Variants in CACNA1D observed in about 807,000 individuals in gnomAD.
The protein encoded by CACNA1D is voltage-dependent L-type calcium channel subunit alpha-1D.
A neutral mutation model predicts 257.1 loss-of-function variants in CACNA1D; 55 were observed. The observed-to-expected ratio is 0.21, with a 90% CI of 0.17 to 0.27. The LOEUF (loss-of-function observed/expected upper bound fraction) is 0.27. Ranked by LOEUF, CACNA1D falls within the 10% of genes least tolerant of loss-of-function variation. The pLI, the probability that CACNA1D is intolerant of heterozygous loss-of-function variation, is 1.00. For synonymous variants in CACNA1D, 980 were observed against 1,014.9 expected, an observed-to-expected ratio of 0.97 and a Z score of 0.65; for missense variants, 1,876 against 2,784.0, an observed-to-expected ratio of 0.67 and a Z score of 7.34.
At chr3:53,802,267 G>A (rs2095540094) in intron 43 of CACNA1D, 94 bp downstream of exon 43, 1 of 1,017,962 alleles carries the variant, frequency 9.8e-7, no homozygotes, top group South Asian at 1.3e-5. Context: ...ACACTTCTTT[G>A]AGCCAGCCTA....
chr3:53,788,669 A>G lies in CACNA1D; in HGVS notation c.4923+1717A>G, dbSNP rs112082630. On this transcript the variant is annotated intron_variant, in intron 40 of 47. Transcript: ENST00000350061. ...CTGCCCAGAAGATGAGGCTGGTTAG[A>G]TGGTTTAGTTCCATTTCCCAGTGCC... Among the ~76,000 whole-genome samples, 305 of 152,148 alleles carry G rather than the reference A, an allele frequency of 2.0e-3. 5 individuals carry two copies. The highest frequency in any genetic ancestry group is 7.2e-3 in the African/African-American group (298 of 41,516).
intron 3 of CACNA1D, among the ~76,000 whole-genome samples, chr3:53,562,657 C>T (rs78371262): frequency 7.3e-5 from 7 of 95,786 alleles, no homozygotes; most frequent in Admixed American, 5.2e-4. Context: ...AAATGCCTCC[C>T]CCCCCAAATT....
At chr3:53,745,233 C>T (rs1049567224) in intron 23 of CACNA1D, among the ~76,000 whole-genome samples, 1 of 149,430 alleles carries the variant, frequency 6.7e-6, no homozygotes, top group African/African-American at 2.5e-5. Flanking sequence ...GCACCTGTAG[C>T]ATTTCTTCTT....
At chr3:53,769,175 C>G (rs1273588008) in intron 30 of CACNA1D, among the ~76,000 whole-genome samples, 2 of 152,200 alleles carry the variant, frequency 1.3e-5, no homozygotes, top group Non-Finnish European at 2.9e-5. Flanking sequence ...CCTGCCCTCC[C>G]TGGGGTGGGG....
intron 3 of CACNA1D, among the ~76,000 whole-genome samples, chr3:53,604,265 C>T (rs1488562820): frequency 3.3e-5 from 5 of 152,300 alleles, no homozygotes; most frequent in Non-Finnish European, 7.4e-5. Context: ...CCTGGCTTGC[C>T]TGCTGCATAC....
intron 30 of CACNA1D, among the ~76,000 whole-genome samples, chr3:53,766,941 G>A (rs1333485976): frequency 2.0e-5 from 3 of 152,202 alleles, no homozygotes; most frequent in Non-Finnish European, 2.9e-5. Context: ...GGGGTGTCCA[G>A]CATAGCGTAG....
intron 3 of CACNA1D, among the ~76,000 whole-genome samples, chr3:53,580,832 T>C (rs890792809): frequency 2.0e-5 from 3 of 152,244 alleles, no homozygotes; most frequent in Non-Finnish European, 4.4e-5. Context: ...TCTTCAGTTC[T>C]CAAAATCTTC....
chr3:53,527,913 C>G (rs1559794688), intron 3 of CACNA1D, among the ~76,000 whole-genome samples: 1 of 152,094 alleles, frequency 6.6e-6, no homozygotes, highest in Non-Finnish European at 1.5e-5. Flanking sequence ...AGTGTAGGCT[C>G]TCATTAGAAC....
At chr3:53,718,796 G>C (rs1380962367) in intron 10 of CACNA1D, 1 of 1,427,332 alleles carries the variant, frequency 7.0e-7, no homozygotes, top group Admixed American at 2.0e-5. Flanking sequence ...TTTTGAAGAA[G>C]AGCTTCTGTG....
chr3:53,598,500 G>T (rs143321733), intron 3 of CACNA1D, among the ~76,000 whole-genome samples: 2 of 151,138 alleles, frequency 1.3e-5, no homozygotes, highest in Admixed American at 6.6e-5. Context: ...CAGGAGAATC[G>T]CTTGAACCCA....
At chr3:53,636,038 C>T (rs1003188208) in intron 3 of CACNA1D, among the ~76,000 whole-genome samples, 5 of 152,152 alleles carry the variant, frequency 3.3e-5, no homozygotes, top group Non-Finnish European at 7.4e-5. Flanking sequence ...GTGTCTGGCT[C>T]TGCATACAGT....
intron 3 of CACNA1D, among the ~76,000 whole-genome samples, chr3:53,565,059 ATTAC>A (rs756935496): frequency 3.9e-5 from 6 of 152,180 alleles, no homozygotes; most frequent in Non-Finnish European, 8.8e-5. Context: ...TTCAGCACAG[ATTAC>A]TTAAAGTCTA....
intron 3 of CACNA1D, among the ~76,000 whole-genome samples, chr3:53,539,398 G>A (rs1358679622): frequency 1.3e-5 from 2 of 152,108 alleles, no homozygotes. Context: ...ATGAGCCACC[G>A]TGCCAAGCCT....
At chr3:53,533,795 C>G (rs1434162848) in intron 3 of CACNA1D, among the ~76,000 whole-genome samples, 1 of 152,136 alleles carries the variant, frequency 6.6e-6, no homozygotes, top group Non-Finnish European at 1.5e-5. Context: ...CTTTTTTCAG[C>G]CTGGCTTTTA....
intron 3 of CACNA1D, among the ~76,000 whole-genome samples, chr3:53,650,167 G>A (rs1236553876): frequency 6.6e-6 from 1 of 152,180 alleles, no homozygotes; most frequent in African/African-American, 2.4e-5. Flanking sequence ...AAGCAGGCAG[G>A]GTGTTTGCCA....
intron 4 of CACNA1D, among the ~76,000 whole-genome samples, chr3:53,658,795 A>G (rs1277937447): frequency 6.6e-6 from 1 of 152,228 alleles, no homozygotes; most frequent in African/African-American, 2.4e-5. Context: ...AGTCATAACT[A>G]GGGAGAGCTC....
Position 53,666,552 on chromosome 3 carries a change from G to C in CACNA1D, c.1116+17G>C, listed in dbSNP as rs550814888. On this transcript the variant is annotated intron_variant, in intron 7 of 47. Transcript: ENST00000350061. ...CTCTACTGGGTAAGTACCCTGGGGAGAGAGTTTATGGAGTGTTCTTTGCTT... is the reference window on the plus strand; with the variant it reads ...CTCTACTGGGTAAGTACCCTGGGGACAGAGTTTATGGAGTGTTCTTTGCTT... 9 of 1,596,744 alleles carry C rather than the reference G, an allele frequency of 5.6e-6. No individual in the cohort carries two copies. Among genetic ancestry groups the C allele is most frequent in the Non-Finnish European group, 7.7e-6 (9 of 1,164,252 alleles).
chr3:53,516,725 T>G (rs2091350848), intron 3 of CACNA1D, among the ~76,000 whole-genome samples: 1 of 152,228 alleles, frequency 6.6e-6, no homozygotes, highest in African/African-American at 2.4e-5. Context: ...GGCCTGCACC[T>G]TTTGATTGCA....
chr3:53,617,039 C>T (rs368392107), intron 3 of CACNA1D, among the ~76,000 whole-genome samples: 3 of 152,162 alleles, frequency 2.0e-5, no homozygotes, highest in African/African-American at 7.2e-5. Context: ...CCTCCCTCCC[C>T]CAGCACACCT....
Sources: allele counts gnomAD v4.1 joint callset (sites outside exome capture counted in the v4.1 genomes callset), GRCh38; gene constraint gnomAD v4.1.1; transcripts MANE v1.5; gene names NCBI Gene and HGNC (gene_info 2026-07-23, HGNC 2026-07-21).